The following CNTNAP3B variants were observed in gnomAD, a reference collection of about 807,000 sequenced individuals.
CNTNAP3B encodes the protein contactin associated protein family member 3B.
A neutral mutation model predicts 108.9 loss-of-function variants in CNTNAP3B; 25 were observed. That is an observed-to-expected ratio of 0.23 (90% CI 0.17 to 0.32). CNTNAP3B has a LOEUF of 0.32. Ranked by LOEUF, CNTNAP3B falls within the 10% of genes least tolerant of loss-of-function variation. The probability of loss-of-function intolerance (pLI) is 1.00; values close to 1 mark genes in which losing one functional copy is unlikely to be tolerated. For missense variants in CNTNAP3B, 252 were observed against 1,210.4 expected, an observed-to-expected ratio of 0.21 and a Z score of 11.75; for synonymous variants, 103 against 473.4, an observed-to-expected ratio of 0.22 and a Z score of 10.16.
chr9:41,979,150 T>G (rs1291230132), intron 9 of CNTNAP3B, among the ~76,000 whole-genome samples: 1 of 131,364 alleles, frequency 7.6e-6, no homozygotes, highest in Non-Finnish European at 1.6e-5. Flanking sequence ...TCCCTCTCTG[T>G]GTGTCTCTGC....
At chr9:42,098,514 T>C (rs62558891) in intron 2 of CNTNAP3B, among the ~76,000 whole-genome samples, 1 of 84,838 alleles carries the variant, frequency 1.2e-5, no homozygotes, top group African/African-American at 4.9e-5. Context: ...ACCTGGGAGG[T>C]GGAGCTTGCA....
At chr9:42,066,177 C>T (rs1827260792) in intron 3 of CNTNAP3B, among the ~76,000 whole-genome samples, 1 of 136,990 alleles carries the variant, frequency 7.3e-6, no homozygotes, top group Admixed American at 7.2e-5. Context: ...TCTTCATATC[C>T]ATAAATGAGA....
intron 3 of CNTNAP3B, among the ~76,000 whole-genome samples, chr9:42,026,627 T>C (rs1193687503): frequency 1.0e-5 from 1 of 100,066 alleles, no homozygotes; most frequent in African/African-American, 4.0e-5. Context: ...TCTCTGGCCA[T>C]TGCAAAGCAG....
At chr9:42,030,815 A>C (rs1487354441) in intron 3 of CNTNAP3B, among the ~76,000 whole-genome samples, 63 of 86,784 alleles carry the variant, frequency 7.3e-4, no homozygotes, top group East Asian at 2.0e-3. Flanking sequence ...GAGAGAGAGG[A>C]GAGAGAGAGA....
chr9:42,024,967 C>T lies in CNTNAP3B; in HGVS notation c.391-11442G>A, dbSNP rs1164288732. 1.0e-3 allele frequency among the ~76,000 whole-genome samples: 153 copies of T among 145,928 alleles called. 1 individual carries two copies. Among genetic ancestry groups the T allele is most frequent in the African/African-American group, 3.8e-3 (147 of 38,648 alleles). Reference sequence around the variant, plus strand: ...ATATCAACTTTCCATTAGAGCATTCCTTTTTATTTGTTGTTGGCTCACAAT... The same window carrying T: ...ATATCAACTTTCCATTAGAGCATTCTTTTTTATTTGTTGTTGGCTCACAAT... On this transcript the variant is annotated intron_variant, in intron 3 of 23. Transcript: ENST00000377561.
At chr9:41,959,996 C>CTTTTTTTTT (rs144746031) in intron 12 of CNTNAP3B, 2 of 137,250 alleles carry the variant, frequency 1.5e-5, no homozygotes, top group Admixed American at 7.3e-5. Flanking sequence ...TCTTTTTTTC[C>CTTTTTTTTT]TTTTTTTTTT....
chr9:41,959,621 T>C (rs1227756829), intron 12 of CNTNAP3B, among the ~76,000 whole-genome samples: 4 of 152,312 alleles, frequency 2.6e-5, no homozygotes, highest in African/African-American at 9.6e-5. Context: ...AGGTAATTGG[T>C]ATCTTATGGC....
chr9:41,957,963 A>C (rs370092366), intron 12 of CNTNAP3B, among the ~76,000 whole-genome samples: 7 of 152,202 alleles, frequency 4.6e-5, no homozygotes, highest in South Asian at 4.1e-4. Context: ...AGGGTTTCAC[A>C]GTGTTAGCCA....
chr9:41,990,764 A>G (rs62556360), intron 8 of CNTNAP3B, among the ~76,000 whole-genome samples: 1,547 of 94,146 alleles, frequency 0.016, no homozygotes, highest in African/African-American at 0.018. Context: ...CCAATCATCA[A>G]AATCCAGCAG....
intron 14 of CNTNAP3B, among the ~76,000 whole-genome samples, chr9:41,932,525 T>C (rs187847844): frequency 5.4e-3 from 808 of 150,622 alleles, no homozygotes; most frequent in Non-Finnish European, 8.9e-3. Context: ...TTCTTCTTTT[T>C]TTTTTTTTTT....
chr9:41,955,494 G>C (rs556151430), intron 12 of CNTNAP3B, among the ~76,000 whole-genome samples: 1 of 152,416 alleles, frequency 6.6e-6, no homozygotes, highest in African/African-American at 2.4e-5. Context: ...GAACTGGAAA[G>C]GATCTTAAAG....
intron 3 of CNTNAP3B, among the ~76,000 whole-genome samples, chr9:42,075,051 G>A (rs1451262764): frequency 1.4e-5 from 2 of 145,458 alleles, no homozygotes; most frequent in Non-Finnish European, 3.0e-5. Flanking sequence ...CTAGCTGCTG[G>A]TGCCTCCGGT....
intron 11 of CNTNAP3B, among the ~76,000 whole-genome samples, chr9:41,961,320 G>A (rs968842270): frequency 6.6e-6 from 1 of 152,302 alleles, no homozygotes. Context: ...TTGCTTTTAG[G>A]CAAGAAAGCA....
chr9:41,931,518 ATTAT>A (rs1444271596), intron 14 of CNTNAP3B, among the ~76,000 whole-genome samples: 1 of 152,252 alleles, frequency 6.6e-6, no homozygotes, highest in Non-Finnish European at 1.5e-5. Context: ...AAATGGCTAT[ATTAT>A]TTAAGATTAT....
intron 11 of CNTNAP3B, among the ~76,000 whole-genome samples, chr9:41,963,085 G>T (rs1190133531): frequency 1.3e-5 from 2 of 152,280 alleles, no homozygotes; most frequent in African/African-American, 4.8e-5. Flanking sequence ...CTCCTCTTTT[G>T]CCCAGATCCT....
chr9:42,017,174 A>G (rs1473148901), intron 3 of CNTNAP3B, among the ~76,000 whole-genome samples: 2 of 139,430 alleles, frequency 1.4e-5, no homozygotes, highest in Non-Finnish European at 3.1e-5. Flanking sequence ...AATTAATGAC[A>G]TTACTGAAAA....
intron 13 of CNTNAP3B, among the ~76,000 whole-genome samples, chr9:41,940,808 C>A (rs1478962908): frequency 6.6e-6 from 1 of 152,100 alleles, no homozygotes; most frequent in Admixed American, 6.5e-5. Context: ...GAGTGAGACT[C>A]CATCTCCAAA....
In CNTNAP3B at chr9:42,118,129, C is replaced by A. The variant is rs555908789; in HGVS notation, c.85+10881G>T. Among the ~76,000 whole-genome samples, 10 of 138,742 alleles carry A rather than the reference C, an allele frequency of 7.2e-5. 2 individuals carry two copies. The highest frequency in any genetic ancestry group is 2.9e-4 in the African/African-American group (10 of 34,972). The allele number at this position is 138,742 out of a possible 152,430, so 91.0% of individuals were successfully genotyped here. ...GGAACTGGTACCATTCCTTCTGAAA[C>A]TATTCCAATCAACAGAAAAAGAGGG... On this transcript the variant is annotated intron_variant, in intron 1 of 23. Transcript: ENST00000377561.
At position 42,116,549 on chromosome 9, in the gene CNTNAP3B, GT is replaced by G. The variant is rs1444121574; in HGVS notation, c.86-11811del. On this transcript the variant is annotated intron_variant, in intron 1 of 23. Coordinates refer to ENST00000377561, the MANE Select transcript of CNTNAP3B (RefSeq NM_001201380.3). ...CACTAAACATGGAAAGGAACAACCA[GT>G]ACCAGCCACTGCAAAAACATGCCAA... Among the ~76,000 whole-genome samples, 13 of 137,206 alleles carry G rather than the reference GT, an allele frequency of 9.5e-5. 3 individuals carry two copies. Among genetic ancestry groups the G allele is most frequent in the Admixed American group, 2.2e-4 (3 of 13,722 alleles). 90.0% of individuals were successfully genotyped at this position (137,206 alleles called of 152,430 possible). A position where few individuals can be genotyped will look rare whatever the true frequency, so the allele number is the denominator to read the frequency against.
Sources: gnomAD v4.1 joint callset for allele counts (sites outside exome capture counted in the v4.1 genomes callset) on GRCh38, gnomAD v4.1.1 for gene constraint, MANE v1.5 for transcripts, NCBI Gene and HGNC (gene_info 2026-07-23, HGNC 2026-07-21) for gene names.